Variants in OSBPL6 observed in about 807,000 individuals in gnomAD.
The protein encoded by OSBPL6 is oxysterol-binding protein-related protein 6.
In OSBPL6, 49 loss-of-function variants were observed where a neutral mutation model predicts 125.8. That is an observed-to-expected ratio of 0.39 (90% CI 0.31 to 0.49). The LOEUF (loss-of-function observed/expected upper bound fraction) is 0.49, where lower values mean the gene tolerates loss of function less well. OSBPL6 is among the 20% of genes least tolerant of loss of function. The pLI is 0.88. For missense variants in OSBPL6, 986 were observed against 1,135.4 expected, an observed-to-expected ratio of 0.87 and a Z score of 1.89; for synonymous variants, 394 against 391.8, an observed-to-expected ratio of 1.01 and a Z score of -0.07.
intron 15 of OSBPL6, among the ~76,000 whole-genome samples, chr2:178,378,255 G>A (rs1254533986): frequency 6.6e-6 from 1 of 152,022 alleles, no homozygotes; most frequent in Non-Finnish European, 1.5e-5. Context: ...TAAATTTCAT[G>A]AAGGCAGAGA....
intron 12 of OSBPL6, among the ~76,000 whole-genome samples, chr2:178,352,746 G>A (rs546912965): frequency 6.6e-6 from 1 of 152,336 alleles, no homozygotes; most frequent in South Asian, 2.1e-4. Flanking sequence ...GGTTCTCCCA[G>A]CATGGCATCT....
At chr2:178,258,158 T>C (rs1365317055) in intron 1 of OSBPL6, among the ~76,000 whole-genome samples, 4 of 151,784 alleles carry the variant, frequency 2.6e-5, no homozygotes, top group Non-Finnish European at 5.9e-5. Flanking sequence ...TGGAGTGCAG[T>C]GGCGCGATCT....
chr2:178,223,256 T>C (rs1432826816), intron 1 of OSBPL6, among the ~76,000 whole-genome samples: 1 of 152,242 alleles, frequency 6.6e-6, no homozygotes, highest in African/African-American at 2.4e-5. Flanking sequence ...ATTATTCAGA[T>C]AGAGCATTTT....
chr2:178,296,076 C>T (rs1011118486), intron 2 of OSBPL6, among the ~76,000 whole-genome samples: 1 of 152,074 alleles, frequency 6.6e-6, no homozygotes, highest in Non-Finnish European at 1.5e-5. Flanking sequence ...TGGTGTTAGG[C>T]CAGTGAAGAA....
intron 22 of OSBPL6, among the ~76,000 whole-genome samples, chr2:178,391,517 T>C (rs1209480140): frequency 1.3e-5 from 2 of 152,232 alleles, no homozygotes; most frequent in Non-Finnish European, 2.9e-5. Context: ...TAGGTATATT[T>C]ATTAAAGACT....
At chr2:178,293,038 G>A (rs190030053) in intron 2 of OSBPL6, among the ~76,000 whole-genome samples, 1 of 151,868 alleles carries the variant, frequency 6.6e-6, no homozygotes, top group East Asian at 1.9e-4. Context: ...AGTAGTTAAA[G>A]TTTCAGATGA....
At chr2:178,209,775 A>G (rs1349613775) in intron 1 of OSBPL6, among the ~76,000 whole-genome samples, 1 of 151,930 alleles carries the variant, frequency 6.6e-6, no homozygotes, top group Non-Finnish European at 1.5e-5. Context: ...CAGTAGCAGC[A>G]TCCTGAGGTT....
At chr2:178,198,241 G>A (rs181304592) in intron 1 of OSBPL6, among the ~76,000 whole-genome samples, 4 of 152,194 alleles carry the variant, frequency 2.6e-5, no homozygotes, top group Non-Finnish European at 5.9e-5. Context: ...AAAAAGAAGA[G>A]GAGAGTCAAA....
chr2:178,213,517 A>C (rs2089961005), intron 1 of OSBPL6, among the ~76,000 whole-genome samples: 1 of 151,710 alleles, frequency 6.6e-6, no homozygotes, highest in Admixed American at 6.6e-5. Flanking sequence ...GCCCTTTTTC[A>C]TGCCTCCATC....
intron 1 of OSBPL6, among the ~76,000 whole-genome samples, chr2:178,240,460 A>G (rs992877705): frequency 1.3e-5 from 2 of 152,120 alleles, no homozygotes; most frequent in African/African-American, 2.4e-5. Context: ...TTCAGCTACT[A>G]GGAAGGCTGA....
intron 1 of OSBPL6, among the ~76,000 whole-genome samples, chr2:178,235,277 C>T (rs1311615899): frequency 6.7e-6 from 1 of 150,270 alleles, no homozygotes; most frequent in East Asian, 2.0e-4. Context: ...CATATATAAT[C>T]TTGGGGTTAA....
intron 1 of OSBPL6, among the ~76,000 whole-genome samples, chr2:178,237,626 A>G (rs2091110350): frequency 6.6e-6 from 1 of 152,152 alleles, no homozygotes; most frequent in Non-Finnish European, 1.5e-5. Flanking sequence ...AGCATGGTTG[A>G]CATTTTGGGC....
rs1690131388 is a variant in OSBPL6 at position 178,340,880 on chromosome 2, G to A, written c.987+1116G>A. On this transcript the variant is annotated intron_variant, in intron 11 of 24. Coordinates refer to ENST00000190611, the MANE Select transcript of OSBPL6 (RefSeq NM_032523.4). ...TATATTTGAAAATAAATTTTCATAA[G>A]CACTAATACCCATGGTTTTTTTTTA... is the stretch of plus-strand genomic sequence containing the variant. Among the ~76,000 whole-genome samples the A allele has an allele frequency of 2.6e-5, 4 of 151,976 alleles. No homozygotes were observed. The South Asian group carries it at 8.3e-4, about 32-fold the overall frequency.
intron 3 of OSBPL6, among the ~76,000 whole-genome samples, chr2:178,318,256 G>A (rs540900854): frequency 5.9e-5 from 9 of 152,316 alleles, no homozygotes; most frequent in African/African-American, 2.2e-4. Context: ...GTTCAATGGT[G>A]AGGCTATAGT....
upstream of OSBPL6, among the ~76,000 whole-genome samples, chr2:178,194,326 C>CG (rs1238351757): frequency 6.6e-6 from 1 of 152,096 alleles, no homozygotes; most frequent in African/African-American, 2.4e-5. Flanking sequence ...CAGGGAGGGG[C>CG]GCCCGGTAGG....
intron 1 of OSBPL6, among the ~76,000 whole-genome samples, chr2:178,283,089 C>G (rs1684369011): frequency 1.3e-5 from 2 of 152,198 alleles, no homozygotes; most frequent in Non-Finnish European, 2.9e-5. Context: ...TCTGATGGAT[C>G]TTAGCCTTAG....
In OSBPL6 at chr2:178,204,085, G is replaced by A. The variant is rs1400304080; in HGVS notation, c.-351+9411G>A. Among the ~76,000 whole-genome samples the A allele has an allele frequency of 2.2e-4, 32 of 143,138 alleles. 1 individual carries two copies. Among genetic ancestry groups the A allele is most frequent in the Non-Finnish European group, 1.5e-5 (1 of 66,990 alleles). The allele number at this position is 143,138 out of a possible 152,430, so 93.9% of individuals were successfully genotyped here. A position where few individuals can be genotyped will look rare whatever the true frequency, so the allele number is the denominator to read the frequency against. ...GTTGCCTGGGCTGGAGTGCAGTGCC[G>A]CGATCTCTGCCCACTGCAACCTCCG... On this transcript the variant is annotated intron_variant, in intron 1 of 24. Coordinates refer to ENST00000190611, the MANE Select transcript of OSBPL6 (RefSeq NM_032523.4).
At chr2:178,204,216 GTTACACCAT>G (rs1194976715) in intron 1 of OSBPL6, among the ~76,000 whole-genome samples, 2 of 151,804 alleles carry the variant, frequency 1.3e-5, no homozygotes, top group African/African-American at 4.8e-5. Flanking sequence ...AGAGAGGGTG[GTTACACCAT>G]GTTGGCCAAG....
In OSBPL6 at chr2:178,382,796, T is replaced by G. The variant is rs1694603359; in HGVS notation, c.1622-228T>G. On this transcript the variant is annotated intron_variant, in intron 16 of 24. Coordinates refer to ENST00000190611, the MANE Select transcript of OSBPL6 (RefSeq NM_032523.4). ...TTTTTAAAACTTAGCCTGTCTTGTC[T>G]TGAATGATATTTGAGTGTATCTAAT... The G allele has an allele frequency of 1.1e-5, 16 of 1,414,580 alleles. No individual in the cohort carries two copies. In the South Asian group the frequency reaches 2.4e-4, roughly 21 times the overall value. The allele number at this position is 1,414,580 out of a possible 1,614,324, so 87.6% of individuals were successfully genotyped here. A position where few individuals can be genotyped will look rare whatever the true frequency, so the allele number is the denominator to read the frequency against.
Sources: allele counts gnomAD v4.1 joint callset (sites outside exome capture counted in the v4.1 genomes callset), GRCh38; gene constraint gnomAD v4.1.1; transcripts MANE v1.5; gene names NCBI Gene and HGNC (gene_info 2026-07-23, HGNC 2026-07-21).